DCC: variants seen among roughly 807,000 people sequenced by gnomAD.
DCC encodes the protein DCC netrin 1 receptor.
A neutral mutation model predicts 172.5 loss-of-function variants in DCC; 58 were observed. The observed-to-expected ratio is 0.34, with a 90% CI of 0.27 to 0.42. The LOEUF (loss-of-function observed/expected upper bound fraction) is 0.42, where lower values mean the gene tolerates loss of function less well. DCC is among the 10% of genes least tolerant of loss of function. The probability of loss-of-function intolerance (pLI) is 1.00; values close to 1 mark genes in which losing one functional copy is unlikely to be tolerated. For missense variants in DCC, 1,740 were observed against 1,791.0 expected (o/e 0.97, Z 0.51); for synonymous variants, 709 against 644.5 (o/e 1.10, Z -1.52).
chr18:53,231,419 A>G (rs1055459185), intron 12 of DCC, among the ~76,000 whole-genome samples: 5 of 152,138 alleles, frequency 3.3e-5, no homozygotes, highest in South Asian at 2.1e-4. Flanking sequence ...TATTATAACT[A>G]TCAACATCTG....
In DCC at chr18:52,432,324, A is replaced by T. The variant is rs185075411; in HGVS notation, c.91+91446A>T. ...TGACTTGGGTCTCCTTTGATGTACG[A>T]GGACATTTGCAGCTCAGCGGCGGAT... On this transcript the variant is annotated intron_variant, in intron 1 of 28. Coordinates refer to ENST00000442544, the MANE Select transcript of DCC (RefSeq NM_005215.4). Among the ~76,000 whole-genome samples the T allele has an allele frequency of 2.5e-3, 387 of 152,222 alleles. 3 individuals carry two copies. The highest frequency in any genetic ancestry group is 8.9e-3 in the African/African-American group (369 of 41,530).
intron 1 of DCC, among the ~76,000 whole-genome samples, chr18:52,724,743 A>G (rs2036525537): frequency 6.6e-6 from 1 of 152,122 alleles, no homozygotes; most frequent in South Asian, 2.1e-4. Context: ...TCTTTCATTC[A>G]TCATGTCACT....
chr18:52,353,327 A>C, intron 1 of DCC, among the ~76,000 whole-genome samples: 1 of 152,090 alleles, frequency 6.6e-6, no homozygotes, highest in African/African-American at 2.4e-5. Flanking sequence ...TTTTCATTCC[A>C]TAGTTTCCCC....
At position 52,686,587 on chromosome 18, in the gene DCC, C is replaced by T. The variant is rs117738804; in HGVS notation, c.92-65467C>T. 2.9e-3 allele frequency among the ~76,000 whole-genome samples: 437 copies of T among 152,208 alleles called. 1 individual carries two copies. The highest frequency in any genetic ancestry group is 4.8e-3 in the Non-Finnish European group (324 of 67,998). On this transcript the variant is annotated intron_variant, in intron 1 of 28. Transcript: ENST00000442544. ...GAAACACCAAATTAAGATCCCATCA[C>T]CATCCATAAGATTCAGAACCCCATT...
chr18:53,401,744 G>T (rs576352073), intron 18 of DCC, among the ~76,000 whole-genome samples: 3 of 152,114 alleles, frequency 2.0e-5, no homozygotes, highest in Admixed American at 2.0e-4. Context: ...CAAAGTTGCC[G>T]TGGATAACAG....
chr18:52,451,424 G>A (rs1376538799), intron 1 of DCC, among the ~76,000 whole-genome samples: 5 of 152,124 alleles, frequency 3.3e-5, no homozygotes, highest in Admixed American at 2.0e-4. Context: ...TTCTGAGGCC[G>A]TTTGGGAAAG....
At chr18:53,407,528 G>GAGATATATATATATATATAT (rs1555666923) in intron 19 of DCC, among the ~76,000 whole-genome samples, 2 of 117,444 alleles carry the variant, frequency 1.7e-5, no homozygotes, top group East Asian at 6.5e-4. Flanking sequence ...TTTTATTCTG[G>GAGATATATATATATATATAT]ATATATATAT....
intron 1 of DCC, among the ~76,000 whole-genome samples, chr18:52,702,329 G>A (rs2036139543): frequency 6.6e-6 from 1 of 151,950 alleles, no homozygotes; most frequent in Non-Finnish European, 1.5e-5. Context: ...TTATAATACA[G>A]CCCATGCTCA....
At chr18:53,168,098 A>C (rs780325203) in intron 8 of DCC, among the ~76,000 whole-genome samples, 3 of 152,202 alleles carry the variant, frequency 2.0e-5, no homozygotes, top group Non-Finnish European at 4.4e-5. Context: ...AAATAAGAAT[A>C]CTTTTACACT....
At chr18:53,064,994 C>A (rs945359802) in intron 6 of DCC, among the ~76,000 whole-genome samples, 1 of 152,106 alleles carries the variant, frequency 6.6e-6, no homozygotes, top group Admixed American at 6.6e-5. Flanking sequence ...AATTTAAATT[C>A]TTCTTTTATA....
chr18:52,491,094 CA>C (rs2144604013), intron 1 of DCC, among the ~76,000 whole-genome samples: 1 of 152,192 alleles, frequency 6.6e-6, no homozygotes, highest in African/African-American at 2.4e-5. Context: ...CAAAGGCTTT[CA>C]AGATGTTTTC....
intron 12 of DCC, among the ~76,000 whole-genome samples, chr18:53,253,196 ACT>A (rs1218397358): frequency 6.6e-6 from 1 of 151,324 alleles, no homozygotes; most frequent in Non-Finnish European, 1.5e-5. Flanking sequence ...ACAACACAGC[ACT>A]CTTTCTTTTA....
intron 1 of DCC, among the ~76,000 whole-genome samples, chr18:52,429,396 C>A (rs754110587): frequency 6.6e-6 from 1 of 152,000 alleles, no homozygotes; most frequent in African/African-American, 2.4e-5. Context: ...CTGAAAAAAA[C>A]AAAAACATCT....
chr18:52,585,549 A>T (rs2033649527), intron 1 of DCC, among the ~76,000 whole-genome samples: 1 of 152,186 alleles, frequency 6.6e-6, no homozygotes, highest in African/African-American at 2.4e-5. Flanking sequence ...ATTGGTTTCC[A>T]GTCAGGAAAA....
intron 1 of DCC, among the ~76,000 whole-genome samples, chr18:52,731,318 T>C (rs1599055764): frequency 6.6e-6 from 1 of 152,220 alleles, no homozygotes; most frequent in African/African-American, 2.4e-5. Flanking sequence ...ATTAATTTAT[T>C]GCATTGCTAA....
At chr18:52,792,755 A>T (rs2037795039) in intron 2 of DCC, among the ~76,000 whole-genome samples, 1 of 86,902 alleles carries the variant, frequency 1.2e-5, no homozygotes, top group African/African-American at 4.5e-5. Flanking sequence ...ATTCCAGTTG[A>T]TTCTATTCCA....
At position 52,633,838 on chromosome 18, in the gene DCC, A is replaced by G. The variant is rs113675358; in HGVS notation, c.92-118216A>G. ...AATAAGTCAATGACACTGAAAACAT[A>G]TAAGGCACTAGGTAACACCAAACTG... On this transcript the variant is annotated intron_variant, in intron 1 of 28. Transcript: ENST00000442544. Among the ~76,000 whole-genome samples the G allele has an allele frequency of 3.8e-3, 582 of 152,374 alleles. 2 individuals are homozygous for G. The highest frequency in any genetic ancestry group is 0.013 in the African/African-American group (557 of 41,588).
chr18:53,141,501 T>C (rs1000274048), intron 7 of DCC, among the ~76,000 whole-genome samples: 1 of 152,204 alleles, frequency 6.6e-6, no homozygotes, highest in Non-Finnish European at 1.5e-5. Context: ...TAAATTGCCG[T>C]AAAGGACACA....
intron 5 of DCC, among the ~76,000 whole-genome samples, chr18:52,955,514 T>C (rs951267175): frequency 6.6e-6 from 1 of 152,134 alleles, no homozygotes; most frequent in Admixed American, 6.6e-5. Flanking sequence ...TAAACAACTA[T>C]GTGTAGATTT....
Sources: allele counts gnomAD v4.1 joint callset (sites outside exome capture counted in the v4.1 genomes callset), GRCh38; gene constraint gnomAD v4.1.1; transcripts MANE v1.5; gene names NCBI Gene and HGNC (gene_info 2026-07-23, HGNC 2026-07-21).